The following MTUS1 variants were observed in gnomAD, a reference collection of about 807,000 sequenced individuals.
The protein encoded by MTUS1 is microtubule-associated tumor suppressor 1.
Under a neutral mutation model 120.8 loss-of-function variants are expected in MTUS1, and 109 were observed. The ratio of observed to expected loss-of-function variants is 0.90; its 90% CI spans 0.77 to 1.06. The LOEUF (loss-of-function observed/expected upper bound fraction) is 1.06. MTUS1 is among the 50% of genes least tolerant of loss of function. MTUS1 has a pLI of 0.00. For synonymous variants in MTUS1, 737 were observed against 550.5 expected, an observed-to-expected ratio of 1.34 and a Z score of -4.74; for missense variants, 2,210 against 1,486.3, an observed-to-expected ratio of 1.49 and a Z score of -8.01.
At chr8:17,696,049 T>G (rs532270197) in intron 6 of MTUS1, among the ~76,000 whole-genome samples, 74 of 152,282 alleles carry the variant, frequency 4.9e-4, no homozygotes, top group Non-Finnish European at 8.4e-4. Flanking sequence ...ATCAGACAAA[T>G]TATTGCAAAT....
intron 1 of MTUS1, among the ~76,000 whole-genome samples, chr8:17,785,491 C>T (rs547557114): frequency 1.3e-5 from 2 of 152,134 alleles, no homozygotes; most frequent in East Asian, 3.8e-4. Flanking sequence ...TTAATTTTGC[C>T]AAGAGGGGCA....
intron 6 of MTUS1, among the ~76,000 whole-genome samples, chr8:17,686,665 T>G (rs3862095): frequency 0.14 from 22,000 of 152,264 alleles, 1,681 homozygotes; most frequent in South Asian, 0.2. Flanking sequence ...TGTTGGTTTA[T>G]AATTATTTAC....
At chr8:17,741,900 G>T (rs563899834) in intron 3 of MTUS1, among the ~76,000 whole-genome samples, 8 of 152,266 alleles carry the variant, frequency 5.3e-5, no homozygotes. Flanking sequence ...GAAGCCCAGG[G>T]AGAGTAAAAG....
Position 17,684,492 on chromosome 8 carries a change from T to C in MTUS1, c.2674A>G (p.Thr892Ala). 1 of 1,614,222 alleles carries C rather than the reference T, an allele frequency of 6.2e-7. No individual in the cohort carries two copies. Among genetic ancestry groups the C allele is most frequent in the Non-Finnish European group, 8.5e-7 (1 of 1,180,042 alleles). The change falls in exon 7 of 15, where the codon ACA (threonine) becomes GCA (alanine). Residue 892 changes from threonine (T) to alanine (A), a missense_variant. Physicochemically the swap from Thr to Ala is moderately conservative, Grantham distance 58 (BLOSUM62 0). Transcript: ENST00000693296. ...NPRSLCIQPQ[T>A]APDALPPEKT... ...TCAGGGGGCAGCGCATCGGGAGCTGTCTGTGGCTGGATACATAAGCTTCGA... is the reference window on the plus strand; with the variant it reads ...TCAGGGGGCAGCGCATCGGGAGCTGCCTGTGGCTGGATACATAAGCTTCGA...
chr8:17,798,800 G>C (rs776466658), intron 1 of MTUS1, among the ~76,000 whole-genome samples: 2 of 152,176 alleles, frequency 1.3e-5, no homozygotes, highest in African/African-American at 4.8e-5. Flanking sequence ...AATGGGAAAA[G>C]TATCTGCAAT....
chr8:17,667,044 G>A (rs1407181652), intron 8 of MTUS1, among the ~76,000 whole-genome samples: 1 of 152,178 alleles, frequency 6.6e-6, no homozygotes, highest in African/African-American at 2.4e-5. Flanking sequence ...ATCCCAAGTT[G>A]AGAGACTGGA....
intron 12 of MTUS1, chr8:17,651,545 T>A (rs1807001082): frequency 6.6e-6 from 1 of 151,266 alleles, no homozygotes; most frequent in East Asian, 1.9e-4. Context: ...TTTTTTTTTT[T>A]ACCTTGAAAA....
intron 1 of MTUS1, chr8:17,758,120 C>T (rs973674554): frequency 1.3e-5 from 2 of 152,286 alleles, no homozygotes; most frequent in East Asian, 1.9e-4. Flanking sequence ...AATGCCATTT[C>T]GTGTGTTAAT....
chr8:17,696,346 G>C (rs188410176), intron 6 of MTUS1, among the ~76,000 whole-genome samples: 1 of 152,016 alleles, frequency 6.6e-6, no homozygotes, highest in Non-Finnish European at 1.5e-5. Flanking sequence ...AATCACCAGG[G>C]ACAGAGATGA....
chr8:17,799,770 C>G (rs1248409888), intron 1 of MTUS1, among the ~76,000 whole-genome samples: 1 of 152,022 alleles, frequency 6.6e-6, no homozygotes, highest in East Asian at 1.9e-4. Context: ...CTTCATAAAC[C>G]TGATTTTAAA....
chr8:17,783,271 G>T (rs1330009426), intron 1 of MTUS1, among the ~76,000 whole-genome samples: 1 of 152,176 alleles, frequency 6.6e-6, no homozygotes, highest in East Asian at 1.9e-4. Flanking sequence ...GGTGAGTGAG[G>T]TGTTCTCTCC....
Position 17,723,829 on chromosome 8 carries a change from C to G in MTUS1, c.2292G>C (p.Lys764Asn). 3 of 1,566,856 alleles carry G rather than the reference C, an allele frequency of 1.9e-6. No homozygotes were observed. Among genetic ancestry groups the G allele is most frequent in the Non-Finnish European group, 2.6e-6 (3 of 1,157,574 alleles). ...ACTGTGCAGTTTTCAAGGATGTAGG[C>G]TTTCCTTGGGGTTTAAAAAAAACAA... ...QRIRRVSSSG[K>N]PTSLKTAQSS... Residue 764 changes from lysine (K) to asparagine (N), a missense_variant, in exon 4 of 15, where the codon AAG becomes AAC. Transcript: ENST00000693296.
At chr8:17,727,240 G>C (rs2046284677) in intron 3 of MTUS1, among the ~76,000 whole-genome samples, 1 of 152,176 alleles carries the variant, frequency 6.6e-6, no homozygotes, top group Admixed American at 6.5e-5. Context: ...AATCCTAACA[G>C]TGTGTGACTA....
At chr8:17,697,326 C>T in intron 6 of MTUS1, 1 of 1,614,126 alleles carries the variant, frequency 6.2e-7, no homozygotes, top group Non-Finnish European at 8.5e-7. Context: ...AATCCTTTGG[C>T]CGTCAGTCGT....
At chr8:17,779,479 T>G (rs1304484698) in intron 1 of MTUS1, among the ~76,000 whole-genome samples, 1 of 152,252 alleles carries the variant, frequency 6.6e-6, no homozygotes, top group African/African-American at 2.4e-5. Context: ...TTTAAAAGAT[T>G]TGTTGTATTT....
intron 1 of MTUS1, among the ~76,000 whole-genome samples, chr8:17,793,137 G>A (rs1368529335): frequency 1.3e-5 from 2 of 152,218 alleles, no homozygotes; most frequent in Non-Finnish European, 2.9e-5. Flanking sequence ...ACTTGCGATT[G>A]TCTGCACGAA....
chr8:17,788,597 T>C (rs2051505908), intron 1 of MTUS1, among the ~76,000 whole-genome samples: 1 of 152,084 alleles, frequency 6.6e-6, no homozygotes, highest in African/African-American at 2.4e-5. Flanking sequence ...CTAGGAAGGA[T>C]CATGTGCCAG....
At position 17,729,728 on chromosome 8, in the gene MTUS1, TTAAAG is replaced by T. The variant is rs1252916377; in HGVS notation, c.2288-5900_2288-5896del. On this transcript the variant is annotated intron_variant, in intron 3 of 14. Coordinates refer to ENST00000693296, the MANE Select transcript of MTUS1 (RefSeq NM_001363059.2). Reference sequence around the variant, plus strand: ...GCAGGAATTGAATTTTTAAAACATGTTAAAGTAATCTAGAATAATTAAGAATAGCC... The same window carrying T: ...GCAGGAATTGAATTTTTAAAACATGTTAATCTAGAATAATTAAGAATAGCC... 5.3e-5 allele frequency among the ~76,000 whole-genome samples: 8 copies of T among 151,948 alleles called. No individual in the cohort carries two copies. The East Asian group carries it at 9.7e-4, about 18-fold the overall frequency.
At chr8:17,775,940 T>C (rs562819914) in intron 1 of MTUS1, among the ~76,000 whole-genome samples, 4 of 152,304 alleles carry the variant, frequency 2.6e-5, no homozygotes, top group African/African-American at 9.6e-5. Flanking sequence ...GCCAAGCCAT[T>C]CAGCATCAGC....
Sources: gnomAD v4.1 joint callset for allele counts (sites outside exome capture counted in the v4.1 genomes callset) on GRCh38, gnomAD v4.1.1 for gene constraint, MANE v1.5 for transcripts, NCBI Gene and HGNC (gene_info 2026-07-23, HGNC 2026-07-21) for gene names.